PAX7: variants seen among roughly 807,000 people sequenced by gnomAD.
The protein encoded by PAX7 is paired box protein Pax-7.
A neutral mutation model predicts 50.7 loss-of-function variants in PAX7; 18 were observed. The observed-to-expected ratio is 0.36, with a 90% CI of 0.25 to 0.53. The LOEUF (loss-of-function observed/expected upper bound fraction) is 0.53. Among genes scored for constraint, PAX7 ranks in the 20% least tolerant of loss-of-function variants. The pLI, the probability that PAX7 is intolerant of heterozygous loss-of-function variation, is 0.93. For synonymous variants in PAX7, 310 were observed against 290.4 expected, an observed-to-expected ratio of 1.07 and a Z score of -0.69; for missense variants, 644 against 702.9, an observed-to-expected ratio of 0.92 and a Z score of 0.95.
At chr1:18,706,338 T>A (rs2089282888) in intron 7 of PAX7, among the ~76,000 whole-genome samples, 1 of 152,138 alleles carries the variant, frequency 6.6e-6, no homozygotes, top group Non-Finnish European at 1.5e-5. Flanking sequence ...GCTTCCCCGC[T>A]GGGCTGTGGG....
intron 4 of PAX7, among the ~76,000 whole-genome samples, chr1:18,665,226 A>C (rs1013897331): frequency 4.6e-4 from 70 of 152,316 alleles, no homozygotes; most frequent in Admixed American, 4.4e-3. Flanking sequence ...CCCAGCTCTC[A>C]ACCTCAATGG....
In PAX7 at chr1:18,634,479, TGCC is replaced by T; in HGVS notation, c.265_267del (p.Arg89del). On this transcript the variant is annotated inframe_deletion, in exon 2 of 9. Transcript: ENST00000420770. This position sits in a 1 kb window ranked among gnomAD's most constrained non-coding sequence, Gnocchi z 4.0. ...CCACGGCTGCGTCTCCAAGATTCTT[TGCC>T]GCTACCAGGAGACCGGGTCCATCCG... is the stretch of plus-strand genomic sequence containing the variant. 1 of 1,614,148 alleles carries T rather than the reference TGCC, an allele frequency of 6.2e-7. No individual in the cohort carries two copies. The highest frequency in any genetic ancestry group is 8.5e-7 in the Non-Finnish European group (1 of 1,180,038).
intron 4 of PAX7, among the ~76,000 whole-genome samples, chr1:18,658,561 G>A (rs951661492): frequency 1.3e-5 from 2 of 152,224 alleles, no homozygotes; most frequent in African/African-American, 4.8e-5. Flanking sequence ...GAATCATCTG[G>A]GATGCAACTC....
chr1:18,631,133 G>T lies in PAX7; in HGVS notation c.-471G>T. 4.3e-6 allele frequency: 1 copy of T among 234,534 alleles called. No individual in the cohort carries two copies. The highest frequency in any genetic ancestry group is 8.4e-6 in the Non-Finnish European group (1 of 119,126). The allele number at this position is 234,534 out of a possible 1,614,324, so 14.5% of individuals were successfully genotyped here. ...GAACGAAATCCACTCCGCAGTCTCC[G>T]GGCTCGGAAACTTTGGCCCCGAGCG... On this transcript the variant is annotated 5_prime_UTR_variant, in exon 1 of 9. Coordinates refer to ENST00000420770, the MANE Select transcript of PAX7 (RefSeq NM_001135254.2).
In PAX7 at chr1:18,748,813, C is replaced by T. The variant is rs545461867; in HGVS notation, c.*3884C>T. 7 of 214,942 alleles carry T rather than the reference C, an allele frequency of 3.3e-5. No individual in the cohort carries two copies. The highest frequency in any genetic ancestry group is 1.9e-4 in the South Asian group (1 of 5,356). 13.3% of individuals were successfully genotyped at this position (214,942 alleles called of 1,614,324 possible). ...GCTTTAACTACCTGCTGCTTGTAAG[C>T]GCTTCCTCTGTAACTCAGGCGTAAC... On this transcript the variant is annotated 3_prime_UTR_variant, in exon 9 of 9. Coordinates refer to ENST00000420770, the MANE Select transcript of PAX7 (RefSeq NM_001135254.2).
chr1:18,725,122 AG>A (rs1460820855), intron 7 of PAX7, among the ~76,000 whole-genome samples: 1 of 152,220 alleles, frequency 6.6e-6, no homozygotes, highest in Admixed American at 6.5e-5. Flanking sequence ...ATTCCACTGA[AG>A]GGATTTTGTT....
chr1:18,736,784 C>A (rs970026789), intron 8 of PAX7, among the ~76,000 whole-genome samples: 1 of 152,156 alleles, frequency 6.6e-6, no homozygotes, highest in Non-Finnish European at 1.5e-5. Context: ...TACTAAATAA[C>A]CCAATTGAAG....
At chr1:18,646,097 C>A (rs541996725) in intron 4 of PAX7, among the ~76,000 whole-genome samples, 32 of 152,320 alleles carry the variant, frequency 2.1e-4, no homozygotes, top group African/African-American at 7.2e-4. Flanking sequence ...CTGCAAATGC[C>A]AAAATTCAAA....
chr1:18,710,503 C>T (rs2089337139), intron 7 of PAX7, among the ~76,000 whole-genome samples: 1 of 151,712 alleles, frequency 6.6e-6, no homozygotes, highest in Non-Finnish European at 1.5e-5. Flanking sequence ...GATTTGTAGG[C>T]AGGAAGATGG....
chr1:18,639,302 A>G (rs1455138980), intron 4 of PAX7, among the ~76,000 whole-genome samples: 1 of 152,208 alleles, frequency 6.6e-6, no homozygotes, highest in African/African-American at 2.4e-5. Flanking sequence ...AGGGTTTTAA[A>G]GCAGATTAAA....
chr1:18,723,308 AC>A (rs760394991), intron 7 of PAX7, among the ~76,000 whole-genome samples: 4 of 152,214 alleles, frequency 2.6e-5, no homozygotes, highest in Non-Finnish European at 5.9e-5. Context: ...ATTCTTTGCC[AC>A]TACGGAGCCA....
chr1:18,666,290 A>G (rs909395268), intron 4 of PAX7, among the ~76,000 whole-genome samples: 4 of 152,230 alleles, frequency 2.6e-5, no homozygotes, highest in Non-Finnish European at 5.9e-5. Context: ...CCAGGGCTGA[A>G]GGCCAACTCC....
rs1466062835 is a variant in PAX7, at chr1:18,634,582, T to G, written c.321+44T>G. ...GAGGCTGGCAGCTGGCTTCCTATAGTCGGGGGCTCCTGGTTGTGGCCCCTC... is the reference window on the plus strand; with the variant it reads ...GAGGCTGGCAGCTGGCTTCCTATAGGCGGGGGCTCCTGGTTGTGGCCCCTC... On this transcript the variant is annotated intron_variant, in intron 2 of 8. Transcript: ENST00000420770. This position sits in a 1 kb window ranked among gnomAD's most constrained non-coding sequence, Gnocchi z 4.0. 6.4e-7 allele frequency: 1 copy of G among 1,557,582 alleles called. No homozygotes were observed. Among genetic ancestry groups the G allele is most frequent in the African/African-American group, 1.4e-5 (1 of 73,866 alleles).
At chr1:18,678,441 G>A (rs2100260386) in intron 4 of PAX7, among the ~76,000 whole-genome samples, 1 of 152,228 alleles carries the variant, frequency 6.6e-6, no homozygotes, top group East Asian at 1.9e-4. Flanking sequence ...AGGAACTACA[G>A]AGCTGTTCTT....
At position 18,634,862 on chromosome 1, in the gene PAX7, G is replaced by T. The variant is rs1241700468; in HGVS notation, c.322-249G>T. On this transcript the variant is annotated intron_variant, in intron 2 of 8. Transcript: ENST00000420770. This position sits in a 1 kb window ranked among gnomAD's most constrained non-coding sequence, Gnocchi z 4.0. ...TGAGATAATGACGGGGACCCTGGGGGTCCTAATTAGAGTTTTTTATTGCCT... is the reference window on the plus strand; with the variant it reads ...TGAGATAATGACGGGGACCCTGGGGTTCCTAATTAGAGTTTTTTATTGCCT... 2.0e-5 allele frequency among the ~76,000 whole-genome samples: 3 copies of T among 152,100 alleles called. No homozygotes were observed. The highest frequency in any genetic ancestry group is 4.4e-5 in the Non-Finnish European group (3 of 68,024).
intron 7 of PAX7, among the ~76,000 whole-genome samples, chr1:18,712,313 C>T (rs946617171): frequency 2.1e-5 from 3 of 141,714 alleles, no homozygotes; most frequent in Non-Finnish European, 4.4e-5. Flanking sequence ...TCAGTTATTT[C>T]CCCCCGGCAG....
chr1:18,697,012 T>G (rs1160663902), intron 5 of PAX7, among the ~76,000 whole-genome samples: 1 of 152,006 alleles, frequency 6.6e-6, no homozygotes, highest in African/African-American at 2.4e-5. Flanking sequence ...ATCCCCTCTA[T>G]CCTATAAATA....
At chr1:18,652,500 G>A (rs1385170698) in intron 4 of PAX7, among the ~76,000 whole-genome samples, 1 of 152,206 alleles carries the variant, frequency 6.6e-6, no homozygotes, top group Non-Finnish European at 1.5e-5. Flanking sequence ...TGACAGAGGA[G>A]TGATGTTTAT....
intron 4 of PAX7, among the ~76,000 whole-genome samples, chr1:18,689,131 C>T (rs2089019976): frequency 6.6e-6 from 1 of 152,098 alleles, no homozygotes; most frequent in Non-Finnish European, 1.5e-5. Flanking sequence ...AGTGTCCTCA[C>T]TGGAGAACTG....
Sources: gnomAD v4.1 joint callset for allele counts (sites outside exome capture counted in the v4.1 genomes callset) on GRCh38, gnomAD v4.1.1 for gene constraint, Gnocchi (gnomAD v3.1) non-coding constraint, MANE v1.5 for transcripts, NCBI Gene and HGNC (gene_info 2026-07-23, HGNC 2026-07-21) for gene names.